TUBGCP2: variants seen among roughly 807,000 people sequenced by gnomAD.
The protein encoded by TUBGCP2 is tubulin gamma complex component 2.
A neutral mutation model predicts 92.2 loss-of-function variants in TUBGCP2; 55 were observed. That is an observed-to-expected ratio of 0.60 (90% CI 0.48 to 0.75). TUBGCP2 has a LOEUF of 0.75. Ranked by LOEUF, TUBGCP2 falls within the 30% of genes least tolerant of loss-of-function variation. TUBGCP2 has a pLI of 0.00. For missense variants in TUBGCP2, 1,093 were observed against 1,188.9 expected (o/e 0.92, Z 1.19); for synonymous variants, 533 against 505.2 (o/e 1.06, Z -0.74).
chr10:133,309,257 G>C (rs1847926184), upstream of TUBGCP2: 5 of 1,326,136 alleles, frequency 3.8e-6, no homozygotes, highest in African/African-American at 1.5e-5. Flanking sequence ...CCGGAACGTG[G>C]AGTGGGCGGG....
chr10:133,309,477 C>A, upstream of TUBGCP2: 1 of 1,609,418 alleles, frequency 6.2e-7, no homozygotes, highest in Non-Finnish European at 8.5e-7. Context: ...AGCGAATGGG[C>A]AGTGCCTAGC....
intron 1 of TUBGCP2, among the ~76,000 whole-genome samples, chr10:133,304,641 G>A (rs969081525): frequency 6.6e-6 from 1 of 152,198 alleles, no homozygotes; most frequent in African/African-American, 2.4e-5. Context: ...GGCACGAGCT[G>A]TTCCAGTGTA....
intron 1 of TUBGCP2, among the ~76,000 whole-genome samples, chr10:133,306,770 A>G (rs1157508734): frequency 6.6e-6 from 1 of 152,204 alleles, no homozygotes. Flanking sequence ...CCTGGGCAAC[A>G]GAGCGAGACT....
At chr10:133,287,769 CA>C (rs1370341713) in intron 11 of TUBGCP2, among the ~76,000 whole-genome samples, 1 of 151,842 alleles carries the variant, frequency 6.6e-6, no homozygotes, top group Non-Finnish European at 1.5e-5. Context: ...ACAACGACAA[CA>C]AAAAGGCAAA....
At position 133,285,517 on chromosome 10, in the gene TUBGCP2, C is replaced by T. The variant is rs374883403; in HGVS notation, c.1834G>A (p.Gly612Ser). Residue 612 changes from glycine to serine, a missense_variant, in exon 12 of 18, where the codon GGC becomes AGC. Gly to Ser is a moderately conservative substitution (Grantham distance 56, BLOSUM62 0). Coordinates refer to ENST00000252936, the MANE Select transcript of TUBGCP2 (RefSeq NM_006659.4). The surrounding 1 kb of genome is among the most constrained non-coding windows in gnomAD (Gnocchi z 6.8). ...TAGTCGAAAGAGAAGGCCTCCAGGC[C>T]GCTCAGCGCCAGCTCCGTGGGGTCG... is the stretch of plus-strand genomic sequence containing the variant. ...HADPTELALS[G>S]LEAFSFDYIV... The T allele has an allele frequency of 1.1e-4, 180 of 1,606,532 alleles. No homozygotes were observed. Among genetic ancestry groups the T allele is most frequent in the Non-Finnish European group, 1.4e-4 (166 of 1,174,504 alleles).
chr10:133,311,706 C>G (rs1167993353), upstream of TUBGCP2: 3 of 1,610,082 alleles, frequency 1.9e-6, no homozygotes, highest in East Asian at 2.2e-5. Flanking sequence ...TCACTGCTCT[C>G]TCCCCGCAGC....
At chr10:133,302,644 C>G (rs111778623) in intron 2 of TUBGCP2, 148 bp downstream of exon 2, 14,959 of 981,044 alleles carry the variant, frequency 0.015, 613 homozygotes, top group African/African-American at 0.13. Context: ...CCTGCACCCT[C>G]ACCCAGGAAT....
intron 16 of TUBGCP2, among the ~76,000 whole-genome samples, chr10:133,281,837 C>T (rs886116505): frequency 3.9e-5 from 6 of 152,390 alleles, no homozygotes; most frequent in African/African-American, 1.2e-4. Flanking sequence ...CATGCCACCC[C>T]GGAGCCGGCG....
At chr10:133,286,687 C>T (rs1268011409) in intron 11 of TUBGCP2, among the ~76,000 whole-genome samples, 1 of 151,824 alleles carries the variant, frequency 6.6e-6, no homozygotes, top group Non-Finnish European at 1.5e-5. Context: ...ACTGAAATCA[C>T]AAAAAGTCTG....
Position 133,288,944 on chromosome 10 carries a change from T to C in TUBGCP2, c.1437A>G (p.Leu479=), listed in dbSNP as rs757295401. The C allele has an allele frequency of 1.9e-6, 3 of 1,614,214 alleles. No individual in the cohort carries two copies. Among genetic ancestry groups the C allele is most frequent in the Admixed American group, 3.3e-5 (2 of 60,024 alleles). The change falls in exon 10 of 18, where the codon TTA becomes TTG. Residue 479 remains leucine, a synonymous_variant. Coordinates refer to ENST00000252936, the MANE Select transcript of TUBGCP2 (RefSeq NM_006659.4). ...CPVAKEIIYT[L]KERAYVEQIE... The stretch of plus-strand genomic sequence containing the variant: ...TCTGCTCCACATACGCCCGCTCTTT[T>C]AACGTGTAGATGATCTCTTTAGCCA...
chr10:133,302,828 C>CG lies in TUBGCP2; in HGVS notation c.113dup (p.Tyr39ValfsTer14), dbSNP rs1847705515. ...GAGCAGAGACAGTGGTAGTGACGTA[C>CG]GGGGTCCTGTTCTTTTGAAGCAGGT... On this transcript the variant is annotated frameshift_variant, in exon 2 of 18. Transcript: ENST00000252936. LOFTEE classifies it high-confidence loss of function. 6.2e-7 allele frequency: 1 copy of CG among 1,613,206 alleles called. No individual in the cohort carries two copies. Among genetic ancestry groups the CG allele is most frequent in the Non-Finnish European group, 8.5e-7 (1 of 1,179,996 alleles).
upstream of TUBGCP2, chr10:133,312,162 ATCACCTGTGCCGTCTGCGTTTCTAGCG>A (rs1193451546): frequency 2.1e-3 from 2,785 of 1,335,912 alleles, 86 homozygotes; most frequent in East Asian, 0.042. Flanking sequence ...CCTTAATAGC[ATCACCTGTGCCGTCTGCGTTTCTAGCG>A]TCACCTGTGC....
At position 133,301,159 on chromosome 10, in the gene TUBGCP2, G is replaced by C. The variant is rs11101687; in HGVS notation, c.151-1046C>G. On this transcript the variant is annotated intron_variant, in intron 2 of 17. Coordinates refer to ENST00000252936, the MANE Select transcript of TUBGCP2 (RefSeq NM_006659.4). ...TGCTTTTTCTTTTGGACGGAGTTTCGCTCTTGTTGCCCAGGCTGGAGTGCA... is the reference window on the plus strand; with the variant it reads ...TGCTTTTTCTTTTGGACGGAGTTTCCCTCTTGTTGCCCAGGCTGGAGTGCA... Among the ~76,000 whole-genome samples, 1,130 of 152,186 alleles carry C rather than the reference G, an allele frequency of 7.4e-3. 13 individuals carry two copies. Among genetic ancestry groups the C allele is most frequent in the African/African-American group, 0.026 (1,079 of 41,518 alleles).
rs148546996 is a variant in TUBGCP2, at chr10:133,285,534, G to A, written c.1817C>T (p.Thr606Met). 357 of 1,598,870 alleles carry A rather than the reference G, an allele frequency of 2.2e-4. 1 individual carries two copies. The Admixed American group carries it at 3.0e-3, about 14-fold the overall frequency. Residue 606 changes from threonine to methionine, a missense_variant, in exon 12 of 18, where the codon ACG (threonine) becomes ATG (methionine). Transcript: ENST00000252936. The surrounding 1 kb of genome is among the most constrained non-coding windows in gnomAD (Gnocchi z 6.8). ...QEKAMAHADP[T>M]ELALSGLEAF... ...CTCCAGGCCGCTCAGCGCCAGCTCC[G>A]TGGGGTCGGCGTGCGCCATCGCCTT...
intron 10 of TUBGCP2, 49 bp downstream of exon 10, chr10:133,288,791 G>T (rs1218111419): frequency 6.6e-7 from 1 of 1,526,632 alleles, no homozygotes; most frequent in Non-Finnish European, 8.8e-7. Flanking sequence ...CACAGGTTCC[G>T]GTTTCAGAGG....
In TUBGCP2 at chr10:133,283,156, G is replaced by A. The variant is rs1564934221; in HGVS notation, c.2211C>T (p.Cys737=). The change falls in exon 15 of 18, where the codon TGC becomes TGT. Residue 737 remains cysteine (C), a synonymous_variant. Transcript: ENST00000252936. ...TGFLDTCLKD[C]MLTNPELLKV... ...TCAGCAGCTCGGGGTTGGTGAGCAT[G>A]CAGTCCTTCAGGCAGGTGTCCAGGA... 1 of 1,614,256 alleles carries A rather than the reference G, an allele frequency of 6.2e-7. No homozygotes were observed.
At position 133,282,433 on chromosome 10, in the gene TUBGCP2, C is replaced by T. The variant is rs550104507; in HGVS notation, c.2290-91G>A. 28 of 1,475,170 alleles carry T rather than the reference C, an allele frequency of 1.9e-5. No individual in the cohort carries two copies. The African/African-American group carries it at 2.5e-4, about 13-fold the overall frequency. The allele number at this position is 1,475,170 out of a possible 1,614,324, so 91.4% of individuals were successfully genotyped here. A position where few individuals can be genotyped will look rare whatever the true frequency, so the allele number is the denominator to read the frequency against. On this transcript the variant is annotated intron_variant, in intron 15 of 17. Coordinates refer to ENST00000252936, the MANE Select transcript of TUBGCP2 (RefSeq NM_006659.4). ...CAAGTCCTGCAGGCACGTCACCCTC[C>T]GCACCTCTGTTGTAGCCTGCGGCTG... is the stretch of plus-strand genomic sequence containing the variant.
At chr10:133,311,619 C>G, upstream of TUBGCP2, 1 of 1,065,226 alleles carries the variant, frequency 9.4e-7, no homozygotes, top group Non-Finnish European at 1.4e-6. Context: ...ATGCTACTTA[C>G]AGGGAAATCC....
At chr10:133,293,365 CT>C in intron 6 of TUBGCP2, 127 bp from the exon 7 acceptor site, 2 of 1,275,376 alleles carry the variant, frequency 1.6e-6, no homozygotes, top group South Asian at 1.4e-5. Flanking sequence ...CAGAGGGGAA[CT>C]TTTGCCCCAG....
Sources: allele counts gnomAD v4.1 joint callset (sites outside exome capture counted in the v4.1 genomes callset), GRCh38; gene constraint gnomAD v4.1.1; non-coding constraint Gnocchi (gnomAD v3.1); transcripts MANE v1.5; gene names NCBI Gene and HGNC (gene_info 2026-07-23, HGNC 2026-07-21).